The following SULF2 variants were observed in gnomAD, a reference collection of about 807,000 sequenced individuals.
SULF2 encodes the protein sulfatase 2, also known as extracellular sulfatase Sulf-2.
In SULF2, 52 loss-of-function variants were observed where a neutral mutation model predicts 107.7. That is an observed-to-expected ratio of 0.48 (90% CI 0.39 to 0.61). SULF2 has a LOEUF of 0.61. SULF2 is among the 20% of genes least tolerant of loss of function. The pLI, the probability that SULF2 is intolerant of heterozygous loss-of-function variation, is 0.00. For missense variants in SULF2, 993 were observed against 1,177.3 expected (o/e 0.84, Z 2.29); for synonymous variants, 460 against 464.3 (o/e 0.99, Z 0.12).
At chr20:47,719,121 A>T (rs1331127443) in intron 3 of SULF2, among the ~76,000 whole-genome samples, 1 of 152,206 alleles carries the variant, frequency 6.6e-6, no homozygotes, top group Non-Finnish European at 1.5e-5. Context: ...GTCAACATGG[A>T]CTTCTTAAAA....
Position 47,785,460 on chromosome 20 carries a change from CGCCGCCGCCGCT to C in SULF2, c.-230_-219del, listed in dbSNP as rs2090913173. The C allele has an allele frequency of 6.7e-6, 1 of 148,498 alleles. No individual in the cohort carries two copies. The highest frequency in any genetic ancestry group is 2.8e-5 in the African/African-American group (1 of 35,592). The allele number at this position is 148,498 out of a possible 1,614,324, so 9.2% of individuals were successfully genotyped here. Reference sequence around the variant, plus strand: ...GCGCCGCCGCTGCCGCTGCCGCCGCCGCCGCCGCCGCTGCCGCTGCTGCATCCCCCGGCGAGC... The same window carrying C: ...GCGCCGCCGCTGCCGCTGCCGCCGCCGCCGCTGCTGCATCCCCCGGCGAGC... On this transcript the variant is annotated 5_prime_UTR_variant, in exon 1 of 21. Coordinates refer to ENST00000688720, the MANE Select transcript of SULF2 (RefSeq NM_001387048.1).
intron 4 of SULF2, 140 bp downstream of exon 4, chr20:47,702,379 A>C: frequency 1.1e-6 from 1 of 911,304 alleles, no homozygotes; most frequent in Non-Finnish European, 1.6e-6. Flanking sequence ...AAAACTGAGG[A>C]GGAGGTGTAT....
intron 3 of SULF2, among the ~76,000 whole-genome samples, chr20:47,707,877 G>A (rs2088801245): frequency 6.6e-6 from 1 of 152,178 alleles, no homozygotes; most frequent in Admixed American, 6.5e-5. Flanking sequence ...TACTGTCAGT[G>A]ATGTAAAAGA....
chr20:47,704,399 A>C (rs1439054379), intron 3 of SULF2, among the ~76,000 whole-genome samples: 1 of 151,948 alleles, frequency 6.6e-6, no homozygotes, highest in Non-Finnish European at 1.5e-5. Flanking sequence ...CATCCTCCCG[A>C]GTAGCTGGGA....
At chr20:47,720,867 G>C (rs2089276626) in intron 3 of SULF2, among the ~76,000 whole-genome samples, 1 of 152,224 alleles carries the variant, frequency 6.6e-6, no homozygotes, top group African/African-American at 2.4e-5. Context: ...CCTAGCAGGG[G>C]AGCTGGAGGT....
chr20:47,771,150 G>T (rs565758646), intron 1 of SULF2, among the ~76,000 whole-genome samples: 10 of 152,178 alleles, frequency 6.6e-5, no homozygotes, highest in Non-Finnish European at 1.3e-4. Context: ...AGTGAAACCC[G>T]ATCTGATCCC....
chr20:47,773,467 A>G (rs1465148693), intron 1 of SULF2, among the ~76,000 whole-genome samples: 1 of 152,266 alleles, frequency 6.6e-6, no homozygotes, highest in African/African-American at 2.4e-5. Context: ...AATGTGCACA[A>G]TGAAACCAAC....
intron 8 of SULF2, 68 bp from the exon 9 acceptor site, chr20:47,677,202 G>T: frequency 6.4e-7 from 1 of 1,562,122 alleles, no homozygotes; most frequent in Non-Finnish European, 8.8e-7. Context: ...GTTCCCCCAG[G>T]AGCAGGGACG....
chr20:47,760,113 C>T (rs1053324815), intron 1 of SULF2, among the ~76,000 whole-genome samples: 9 of 152,192 alleles, frequency 5.9e-5, no homozygotes, highest in African/African-American at 2.2e-4. Context: ...TGATGCCTTG[C>T]CCCAGCCACC....
At chr20:47,759,905 C>T (rs1342094820) in intron 1 of SULF2, among the ~76,000 whole-genome samples, 1 of 152,234 alleles carries the variant, frequency 6.6e-6, no homozygotes, top group Non-Finnish European at 1.5e-5. Flanking sequence ...AATTCTTCCC[C>T]ACTAGGGGGT....
intron 1 of SULF2, among the ~76,000 whole-genome samples, chr20:47,782,495 G>T (rs1489458336): frequency 6.6e-6 from 1 of 152,126 alleles, no homozygotes; most frequent in East Asian, 1.9e-4. Context: ...GATCAGCATT[G>T]AGAGAGGCCC....
intron 2 of SULF2, among the ~76,000 whole-genome samples, chr20:47,740,517 T>C (rs943143450): frequency 1.3e-5 from 2 of 152,082 alleles, no homozygotes; most frequent in Non-Finnish European, 2.9e-5. Context: ...ATGCTGGTGG[T>C]GTGAAAGGCC....
In SULF2 at chr20:47,676,518, C is replaced by A. The variant is rs759707380; in HGVS notation, c.1356G>T (p.Gln452His). The change falls in exon 10 of 21, where the codon CAG (glutamine) becomes CAT (histidine). Residue 452 changes from glutamine (Q) to histidine (H), a missense_variant. Coordinates refer to ENST00000688720, the MANE Select transcript of SULF2 (RefSeq NM_001387048.1). ...VKDLCQRAEY[Q>H]TACEQLGQKW... ...CCTGTCCCAGCTGCTCACACGCCGT[C>A]TGGTACTCAGCACGCTGACACAGGT... 3.1e-6 allele frequency: 5 copies of A among 1,606,004 alleles called. No individual in the cohort carries two copies. The South Asian group carries it at 4.5e-5, about 14-fold the overall frequency.
rs538200655 is a variant in SULF2 at position 47,711,475 on chromosome 20, GAAAGC to G, written c.416-8810_416-8806del. Among the ~76,000 whole-genome samples the G allele has an allele frequency of 4.9e-4, 75 of 152,374 alleles. 1 individual carries two copies. The highest frequency in any genetic ancestry group is 1.4e-3 in the African/African-American group (58 of 41,592). On this transcript the variant is annotated intron_variant, in intron 3 of 20. Transcript: ENST00000688720. ...CTCCCAAGAGGCAGCCAGCAGGACA[GAAAGC>G]ACCCGCTGCTTTCGGAGGACTTTCT...
chr20:47,778,370 A>G (rs2090762295), intron 1 of SULF2, among the ~76,000 whole-genome samples: 1 of 152,234 alleles, frequency 6.6e-6, no homozygotes. Flanking sequence ...TTGGGATAGA[A>G]TTTATCTAAG....
At chr20:47,746,985 A>T (rs1237945541) in intron 2 of SULF2, among the ~76,000 whole-genome samples, 25 of 34,684 alleles carry the variant, frequency 7.2e-4, no homozygotes, top group Non-Finnish European at 5.6e-4. Flanking sequence ...AAATAAATAA[A>T]AAAAAAAAAA....
intron 9 of SULF2, 71 bp from the exon 10 acceptor site, chr20:47,676,694 C>T (rs2087653238): frequency 5.2e-6 from 8 of 1,533,528 alleles, no homozygotes; most frequent in Non-Finnish European, 7.0e-6. Context: ...GCATGTGTGC[C>T]CACCTAGAGG....
At chr20:47,773,999 G>A (rs1009068176) in intron 1 of SULF2, among the ~76,000 whole-genome samples, 1 of 152,230 alleles carries the variant, frequency 6.6e-6, no homozygotes, top group African/African-American at 2.4e-5. Context: ...CGAGCGTGCC[G>A]TCCTCAGCCA....
At chr20:47,756,944 C>G (rs1305602772) in intron 2 of SULF2, among the ~76,000 whole-genome samples, 1 of 152,188 alleles carries the variant, frequency 6.6e-6, no homozygotes, top group Non-Finnish European at 1.5e-5. Context: ...TAGCGCCCAG[C>G]CTGTTCTCTT....
Sources: allele counts gnomAD v4.1 joint callset (sites outside exome capture counted in the v4.1 genomes callset), GRCh38; gene constraint gnomAD v4.1.1; transcripts MANE v1.5; gene names NCBI Gene and HGNC (gene_info 2026-07-23, HGNC 2026-07-21).